NUP98: variants seen among roughly 807,000 people sequenced by gnomAD.
NUP98 encodes the protein nucleoporin 98 and 96 precursor.
Under a neutral mutation model 191.9 loss-of-function variants are expected in NUP98, and 26 were observed. The observed-to-expected ratio is 0.14, with a 90% CI of 0.10 to 0.19. NUP98 has a LOEUF of 0.19. Among genes scored for constraint, NUP98 ranks in the 10% least tolerant of loss-of-function variants. The pLI is 1.00. For missense variants in NUP98, 1,941 were observed against 2,178.8 expected, an observed-to-expected ratio of 0.89 and a Z score of 2.17; for synonymous variants, 808 against 778.4, an observed-to-expected ratio of 1.04 and a Z score of -0.63.
intron 24 of NUP98, 149 bp from the exon 25 acceptor site, chr11:3,699,497 CCTCA>C: frequency 2.5e-6 from 2 of 801,592 alleles, no homozygotes; most frequent in South Asian, 3.6e-5. Flanking sequence ...TCTGTCTCTA[CCTCA>C]CTCAACTTCG....
chr11:3,723,020 A>T, intron 16 of NUP98, 137 bp downstream of exon 16: 3 of 724,138 alleles, frequency 4.1e-6, no homozygotes, highest in Non-Finnish European at 6.9e-6. Context: ...TTTAAATATT[A>T]AGCTCTCCTA....
At chr11:3,757,847 T>A (rs1364555533) in intron 10 of NUP98, among the ~76,000 whole-genome samples, 1 of 151,744 alleles carries the variant, frequency 6.6e-6, no homozygotes. Context: ...TGAAGCATGC[T>A]ACAAAAAAAA....
chr11:3,764,092 A>G (rs2081262704), intron 8 of NUP98, among the ~76,000 whole-genome samples: 1 of 152,090 alleles, frequency 6.6e-6, no homozygotes, highest in Non-Finnish European at 1.5e-5. Flanking sequence ...TACACCCCCC[A>G]AAGAAATCCC....
intron 12 of NUP98, among the ~76,000 whole-genome samples, chr11:3,740,782 A>G (rs1319701348): frequency 6.6e-6 from 1 of 151,598 alleles, no homozygotes; most frequent in East Asian, 1.9e-4. Context: ...TCACGTACAA[A>G]GAGTTGCCAG....
chr11:3,739,468 A>G (rs1232808584), intron 12 of NUP98, among the ~76,000 whole-genome samples: 2 of 152,040 alleles, frequency 1.3e-5, no homozygotes, highest in African/African-American at 4.8e-5. Flanking sequence ...AGGATGGTCG[A>G]ACTCCTGACC....
chr11:3,761,151 C>A (rs1157485444), intron 9 of NUP98, among the ~76,000 whole-genome samples: 2 of 152,144 alleles, frequency 1.3e-5, no homozygotes, highest in African/African-American at 2.4e-5. Context: ...AAGATGATTA[C>A]AGGAAAATCA....
chr11:3,753,204 G>A (rs1018629749), intron 11 of NUP98, 112 bp downstream of exon 11: 5 of 917,454 alleles, frequency 5.4e-6, no homozygotes, highest in African/African-American at 3.3e-5. Flanking sequence ...CTGGAAAAAC[G>A]AAAAGGTAGA....
Position 3,775,812 on chromosome 11 carries a change from A to T in NUP98, c.495+70T>A, listed in dbSNP as rs963968961. ...CTAAGCTGGAAAGAGAAGCAATTTTACAATTCATCCTGCAAAGAAATATAC... is the reference window on the plus strand; with the variant it reads ...CTAAGCTGGAAAGAGAAGCAATTTTTCAATTCATCCTGCAAAGAAATATAC... On this transcript the variant is annotated intron_variant, in intron 5 of 32. Coordinates refer to ENST00000324932, the MANE Select transcript of NUP98 (RefSeq NM_016320.5). The T allele has an allele frequency of 3.4e-6, 5 of 1,481,782 alleles. No homozygotes were observed. In the African/African-American group the frequency reaches 4.2e-5, roughly 12 times the overall value. The allele number at this position is 1,481,782 out of a possible 1,614,324, so 91.8% of individuals were successfully genotyped here.
intron 18 of NUP98, among the ~76,000 whole-genome samples, chr11:3,718,936 A>G (rs1047355276): frequency 6.6e-6 from 1 of 151,966 alleles, no homozygotes; most frequent in Non-Finnish European, 1.5e-5. Flanking sequence ...CCTGGCCAAC[A>G]TGGTGAAACT....
intron 16 of NUP98, 22 bp from the exon 17 acceptor site, chr11:3,720,847 A>C: frequency 3.1e-6 from 3 of 960,642 alleles, no homozygotes; most frequent in South Asian, 1.4e-5. Flanking sequence ...AAAAAAAAAA[A>C]AACAGAAAAA....
At chr11:3,735,142 G>A in intron 13 of NUP98, 49 bp downstream of exon 13, 1 of 1,489,818 alleles carries the variant, frequency 6.7e-7, no homozygotes, top group Non-Finnish European at 9.0e-7. Context: ...TGCACATTCA[G>A]TTTCTCTTTC....
chr11:3,771,145 G>A (rs760471355), intron 7 of NUP98, among the ~76,000 whole-genome samples: 27 of 152,168 alleles, frequency 1.8e-4, no homozygotes, highest in Non-Finnish European at 3.5e-4. Flanking sequence ...CTGCAGGCGT[G>A]AGCCACCACA....
chr11:3,749,682 G>GA (rs201027260), intron 11 of NUP98, among the ~76,000 whole-genome samples: 7,672 of 151,108 alleles, frequency 0.051, 254 homozygotes, highest in Middle Eastern at 0.099. Flanking sequence ...GGTAGGTGCA[G>GA]AAAAAAAGAA....
chr11:3,679,644 C>A lies in NUP98; in HGVS notation c.4983G>T (p.Glu1661Asp), dbSNP rs1308326689. 6.2e-7 allele frequency: 1 copy of A among 1,614,078 alleles called. No homozygotes were observed. The highest frequency in any genetic ancestry group is 8.5e-7 in the Non-Finnish European group (1 of 1,180,036). The change falls in exon 31 of 33, where the codon GAG becomes GAT. Residue 1661 changes from glutamate to aspartate, a missense_variant. By Grantham distance (45) the Glu-to-Asp change is conservative. Around this residue, in one of 6 missense-constraint regions of NUP98, gnomAD observed 1,030 missense variants for 1,115.8 expected, o/e 0.92. Transcript: ENST00000324932. ...CCCAATCCTGAATTAGGCTGCTGCG[C>A]TCTGGAGGTGCCAGGTCTTCCAAGA... ...KGFLEDLAPP[E>D]RSSLIQDWET...
intron 10 of NUP98, among the ~76,000 whole-genome samples, chr11:3,753,755 CAAAAAAAAAAAAAAAAAAAAAAAAA>C (rs58867754): frequency 9.8e-5 from 1 of 10,170 alleles, no homozygotes; most frequent in Non-Finnish European, 1.6e-4. Context: ...TATAAAAATA[CAAAAAAAAAAAAAAAAAAAAAAAAA>C]AAAAAAAAAA....
intron 19 of NUP98, among the ~76,000 whole-genome samples, chr11:3,713,547 G>A (rs1053395766): frequency 2.0e-5 from 3 of 152,028 alleles, no homozygotes; most frequent in Admixed American, 2.0e-4. Context: ...TGAGAAACTC[G>A]ATCTTTACAA....
At position 3,782,162 on chromosome 11, in the gene NUP98, A is replaced by T. The variant is rs1458888545; in HGVS notation, c.-28-17T>A. 7.4e-7 allele frequency: 1 copy of T among 1,356,540 alleles called. No homozygotes were observed. The highest frequency in any genetic ancestry group is 1.2e-5 in the South Asian group (1 of 82,726). 84.0% of individuals were successfully genotyped at this position (1,356,540 alleles called of 1,614,324 possible). ...TTCAGAAAGCTGGGAAAAAGAAAAC[A>T]TTATCACTCTCTTAAAGACCACAAA... On this transcript the variant is annotated splice_polypyrimidine_tract_variant and intron_variant, in intron 1 of 32. Coordinates refer to ENST00000324932, the MANE Select transcript of NUP98 (RefSeq NM_016320.5).
intron 14 of NUP98, among the ~76,000 whole-genome samples, chr11:3,728,126 G>A (rs1030694836): frequency 2.0e-5 from 3 of 152,170 alleles, no homozygotes; most frequent in Non-Finnish European, 4.4e-5. Flanking sequence ...ATGAGGAGAA[G>A]TGTTTCAAAG....
chr11:3,746,090 A>T (rs1291053070), intron 11 of NUP98, among the ~76,000 whole-genome samples: 3 of 151,820 alleles, frequency 2.0e-5, no homozygotes, highest in African/African-American at 7.3e-5. Flanking sequence ...ACCAACATGG[A>T]GAAACCCTGT....
Sources: allele counts gnomAD v4.1 joint callset (sites outside exome capture counted in the v4.1 genomes callset), GRCh38; gene constraint gnomAD v4.1.1; regional missense constraint gnomAD v4.1.1; transcripts MANE v1.5; gene names NCBI Gene and HGNC (gene_info 2026-07-23, HGNC 2026-07-21).